MCC: variants seen among roughly 807,000 people sequenced by gnomAD.
MCC encodes the protein colorectal mutant cancer protein.
Under a neutral mutation model 116.2 loss-of-function variants are expected in MCC, and 90 were observed. The observed-to-expected ratio is 0.77, with a 90% confidence interval of 0.65 to 0.92. MCC has a LOEUF of 0.92. Among genes scored for constraint, MCC ranks in the 40% least tolerant of loss-of-function variants. MCC has a pLI of 0.00. For synonymous variants in MCC, 578 were observed against 510.5 expected (o/e 1.13, Z -1.78); for missense variants, 1,516 against 1,312.2 (o/e 1.16, Z -2.40).
At chr5:113,078,520 C>T (rs574549426) in intron 11 of MCC, among the ~76,000 whole-genome samples, 45 of 152,254 alleles carry the variant, frequency 3.0e-4, no homozygotes, top group Admixed American at 4.6e-4. Context: ...AATCAATAAA[C>T]GTTAATCCAT....
intron 12 of MCC, among the ~76,000 whole-genome samples, chr5:113,069,036 C>G (rs2150232825): frequency 6.6e-6 from 1 of 152,326 alleles, no homozygotes; most frequent in East Asian, 1.9e-4. Context: ...CTACTAGCCA[C>G]AAATAGCTAC....
chr5:113,452,876 C>T (rs922860117), intron 1 of MCC, among the ~76,000 whole-genome samples: 2 of 152,154 alleles, frequency 1.3e-5, no homozygotes, highest in Non-Finnish European at 2.9e-5. Flanking sequence ...CTTTATGTGT[C>T]CTTTATTTGA....
At chr5:113,085,624 T>C (rs1189720820) in intron 8 of MCC, among the ~76,000 whole-genome samples, 1 of 152,216 alleles carries the variant, frequency 6.6e-6, no homozygotes, top group Non-Finnish European at 1.5e-5. Context: ...CATCACCTAT[T>C]CTTCACAAGC....
At chr5:113,151,566 T>G in intron 3 of MCC, 144 bp from the exon 4 acceptor site, 1 of 600,544 alleles carries the variant, frequency 1.7e-6, no homozygotes, top group Non-Finnish European at 3.0e-6. Context: ...GTTATGAGTT[T>G]TGGGGACAAC....
chr5:113,406,384 A>G (rs1188636274), intron 1 of MCC, among the ~76,000 whole-genome samples: 2 of 152,220 alleles, frequency 1.3e-5, no homozygotes, highest in Non-Finnish European at 2.9e-5. Flanking sequence ...ATGCCATCGA[A>G]TAATAATTCT....
At chr5:113,291,939 C>G (rs1766511651) in intron 3 of MCC, among the ~76,000 whole-genome samples, 1 of 152,206 alleles carries the variant, frequency 6.6e-6, no homozygotes, top group Non-Finnish European at 1.5e-5. Flanking sequence ...GAACCACACA[C>G]TCTCTTGCCT....
chr5:113,148,198 T>C (rs569090445), intron 4 of MCC, among the ~76,000 whole-genome samples: 3 of 152,372 alleles, frequency 2.0e-5, no homozygotes, highest in South Asian at 2.1e-4. Flanking sequence ...AGAATGTTGA[T>C]GCATGTCTGT....
chr5:113,257,725 T>A (rs1373434237), intron 3 of MCC, among the ~76,000 whole-genome samples: 2 of 151,984 alleles, frequency 1.3e-5, no homozygotes, highest in Admixed American at 1.3e-4. Flanking sequence ...GGTGCTGGGA[T>A]GTGGGTGTGT....
chr5:113,211,829 T>C (rs544748869), intron 3 of MCC, among the ~76,000 whole-genome samples: 64 of 152,212 alleles, frequency 4.2e-4, no homozygotes, highest in Non-Finnish European at 8.1e-4. Context: ...AAGACATTTA[T>C]TAGAAACAAA....
At chr5:113,172,374 T>G (rs908041676) in intron 3 of MCC, among the ~76,000 whole-genome samples, 2 of 152,194 alleles carry the variant, frequency 1.3e-5, no homozygotes, top group Non-Finnish European at 2.9e-5. Context: ...AGCACTTCAT[T>G]TGCATAGAGA....
intron 3 of MCC, among the ~76,000 whole-genome samples, chr5:113,268,185 C>G (rs1765484740): frequency 1.3e-5 from 2 of 152,308 alleles, no homozygotes; most frequent in East Asian, 1.9e-4. Flanking sequence ...CTAAAGACGT[C>G]CGAAACTCTT....
chr5:113,381,297 G>C (rs1329597568), intron 2 of MCC, among the ~76,000 whole-genome samples: 1 of 152,152 alleles, frequency 6.6e-6, no homozygotes, highest in Non-Finnish European at 1.5e-5. Flanking sequence ...CTAGGTAAAG[G>C]TTATCTGGGA....
At chr5:113,160,217 C>A (rs1398976787) in intron 3 of MCC, among the ~76,000 whole-genome samples, 1 of 152,186 alleles carries the variant, frequency 6.6e-6, no homozygotes, top group East Asian at 1.9e-4. Flanking sequence ...CCACTTAAAG[C>A]CACACCTCCC....
At chr5:113,088,875 A>T (rs1001851786) in intron 8 of MCC, among the ~76,000 whole-genome samples, 3 of 152,128 alleles carry the variant, frequency 2.0e-5, no homozygotes, top group Non-Finnish European at 4.4e-5. Context: ...CCTCAATCTC[A>T]TGGGCTCAAG....
rs142969435 is a variant in MCC at position 113,123,657 on chromosome 5, C to G, written c.885-831G>C. Among the ~76,000 whole-genome samples, 69 of 152,300 alleles carry G rather than the reference C, an allele frequency of 4.5e-4. 1 individual carries two copies. The East Asian group carries it at 0.013, about 29-fold the overall frequency. On this transcript the variant is annotated intron_variant, in intron 5 of 18. Coordinates refer to ENST00000408903, the MANE Select transcript of MCC (RefSeq NM_001085377.2). ...CAGTGTGTATTTCAGAGCACGTGTA[C>G]TGTCCCCTTCCCACACCACCACCAT...
chr5:113,469,376 T>C (rs1322627573), intron 1 of MCC, among the ~76,000 whole-genome samples: 1 of 152,220 alleles, frequency 6.6e-6, no homozygotes, highest in Non-Finnish European at 1.5e-5. Context: ...GATTCTGGTA[T>C]GTTGTGTCTT....
At position 113,343,034 on chromosome 5, in the gene MCC, T is replaced by C. The variant is rs539779600; in HGVS notation, c.416-2304A>G. ...AAAGGACACAAAATGATCCAGTTTG[T>C]ACTATGAAATGAGAACATATACAGA... On this transcript the variant is annotated intron_variant, in intron 2 of 18. Coordinates refer to ENST00000408903, the MANE Select transcript of MCC (RefSeq NM_001085377.2). 6.6e-5 allele frequency among the ~76,000 whole-genome samples: 10 copies of C among 152,306 alleles called. 1 individual carries two copies. In the South Asian group the frequency reaches 2.1e-3, roughly 32 times the overall value.
At chr5:113,346,633 CA>C (rs201595859) in intron 2 of MCC, among the ~76,000 whole-genome samples, 1 of 89,504 alleles carries the variant, frequency 1.1e-5, no homozygotes, top group Admixed American at 8.8e-5. Flanking sequence ...ACAACAACAA[CA>C]AAAAAAACAA....
chr5:113,172,258 C>T (rs1426998789), intron 3 of MCC, among the ~76,000 whole-genome samples: 1 of 152,110 alleles, frequency 6.6e-6, no homozygotes, highest in Non-Finnish European at 1.5e-5. Flanking sequence ...TGTCTGAACA[C>T]AAAACAACTC....
Sources: allele counts gnomAD v4.1 joint callset (sites outside exome capture counted in the v4.1 genomes callset), GRCh38; gene constraint gnomAD v4.1.1; transcripts MANE v1.5; gene names NCBI Gene and HGNC (gene_info 2026-07-23, HGNC 2026-07-21).